CCDC85A: variants seen among roughly 807,000 people sequenced by gnomAD.
CCDC85A encodes the protein coiled-coil domain containing 85A.
Under a neutral mutation model 50.2 loss-of-function variants are expected in CCDC85A, and 38 were observed. The ratio of observed to expected loss-of-function variants is 0.76; its 90% CI spans 0.58 to 0.99. The LOEUF is 0.99. Among genes scored for constraint, CCDC85A ranks in the 50% least tolerant of loss-of-function variants. The probability of loss-of-function intolerance (pLI) is 0.00; values close to 1 mark genes in which losing one functional copy is unlikely to be tolerated. For missense variants in CCDC85A, 820 were observed against 742.0 expected (o/e 1.11, Z -1.22); for synonymous variants, 366 against 301.4 (o/e 1.21, Z -2.22).
At chr2:56,225,452 T>C (rs1036438653) in intron 2 of CCDC85A, among the ~76,000 whole-genome samples, 3 of 152,144 alleles carry the variant, frequency 2.0e-5, no homozygotes, top group Non-Finnish European at 2.9e-5. Context: ...ACCATAAATG[T>C]CGGGGTTTAT....
At chr2:56,285,056 G>A (rs1025832202) in intron 2 of CCDC85A, among the ~76,000 whole-genome samples, 9 of 151,238 alleles carry the variant, frequency 6.0e-5, no homozygotes, top group Non-Finnish European at 1.2e-4. Context: ...CAGTCTGGCA[G>A]TGTCTGCTTT....
In CCDC85A at chr2:56,192,911, G is replaced by T; in HGVS notation, c.711G>T (p.Leu237=). 1 of 1,610,084 alleles carries T rather than the reference G, an allele frequency of 6.2e-7. No individual in the cohort carries two copies. Among genetic ancestry groups the T allele is most frequent in the Non-Finnish European group, 8.5e-7 (1 of 1,178,634 alleles). ...CGAGCAGTGGCAGCCCGGAGCACCT[G>T]CAGAAGCCCCGGAGCGAGGGCAGCC... ...HHASSGSPEH[L]QKPRSEGSPE... The change falls in exon 2 of 6, where the codon CTG becomes CTT. Residue 237 remains leucine (L), a synonymous_variant. Transcript: ENST00000407595. The surrounding 1 kb of genome is among the most constrained non-coding windows in gnomAD (Gnocchi z 4.7).
At chr2:56,371,422 G>T (rs933409761) in intron 3 of CCDC85A, among the ~76,000 whole-genome samples, 5 of 152,010 alleles carry the variant, frequency 3.3e-5, no homozygotes, top group African/African-American at 1.2e-4. Flanking sequence ...AAAATTTTAT[G>T]TTCTTATTTT....
rs1668412359 is a variant in CCDC85A, at chr2:56,223,436, C to T, written c.1240+29996C>T. Among the ~76,000 whole-genome samples the T allele has an allele frequency of 1.3e-5, 2 of 152,110 alleles. 1 individual carries two copies. The highest frequency in any genetic ancestry group is 4.1e-4 in the South Asian group (2 of 4,830). On this transcript the variant is annotated intron_variant, in intron 2 of 5. Transcript: ENST00000407595. ...ACAGCCACCAGGTTGAATTTGGCCT[C>T]TATGGAGCATTGTTTGTCAACTATT...
chr2:56,372,550 G>A (rs1035563887), intron 4 of CCDC85A, 72 bp downstream of exon 4: 1 of 1,389,232 alleles, frequency 7.2e-7, no homozygotes, highest in Non-Finnish European at 9.5e-7. Context: ...TAGAGAAAAA[G>A]TTATACTGGG....
intron 2 of CCDC85A, among the ~76,000 whole-genome samples, chr2:56,323,332 T>C (rs546400795): frequency 6.6e-6 from 1 of 151,928 alleles, no homozygotes; most frequent in Non-Finnish European, 1.5e-5. Context: ...AGATATTGAA[T>C]AGCAAGACAG....
At chr2:56,359,999 G>A (rs1321875732) in intron 3 of CCDC85A, among the ~76,000 whole-genome samples, 1 of 152,140 alleles carries the variant, frequency 6.6e-6, no homozygotes, top group Non-Finnish European at 1.5e-5. Context: ...AGGAAAGTGA[G>A]AAGAATCCTC....
At chr2:56,330,332 G>A (rs1673721657) in intron 2 of CCDC85A, among the ~76,000 whole-genome samples, 1 of 152,334 alleles carries the variant, frequency 6.6e-6, no homozygotes, top group South Asian at 2.1e-4. Flanking sequence ...AAGAGTAAAA[G>A]TGAAGGCAAT....
intron 2 of CCDC85A, among the ~76,000 whole-genome samples, chr2:56,200,285 A>G (rs1342997484): frequency 6.6e-6 from 1 of 152,224 alleles, no homozygotes; most frequent in East Asian, 1.9e-4. Flanking sequence ...TGCCCTTGAT[A>G]GTACTTTAAT....
intron 2 of CCDC85A, among the ~76,000 whole-genome samples, chr2:56,269,227 G>A (rs1670591184): frequency 6.6e-6 from 1 of 152,026 alleles, no homozygotes; most frequent in South Asian, 2.1e-4. Flanking sequence ...CCTTACCTGG[G>A]ACACATAAAC....
chr2:56,309,674 A>G (rs1672602049), intron 2 of CCDC85A, among the ~76,000 whole-genome samples: 1 of 152,176 alleles, frequency 6.6e-6, no homozygotes, highest in South Asian at 2.1e-4. Flanking sequence ...AAACAGTTTT[A>G]GGAAGGTTTT....
At position 56,193,384 on chromosome 2, in the gene CCDC85A, G is replaced by T. The variant is rs1334615053; in HGVS notation, c.1184G>T (p.Arg395Leu). ...GGGSREGTLR[R>L]QAQEDGSPHH... is the part of the protein sequence containing the mutation. ...GGCAGCAGGGAGGGCACCCTCAGAC[G>T]GCAGGCACAGGAGGACGGGTCACCC... Residue 395 changes from arginine (R) to leucine (L), a missense_variant, in exon 2 of 6, where the codon CGG becomes CTG. Arg to Leu is a moderately radical substitution (Grantham distance 102). Coordinates refer to ENST00000407595, the MANE Select transcript of CCDC85A (RefSeq NM_001080433.2). 7 of 1,611,360 alleles carry T rather than the reference G, an allele frequency of 4.3e-6. No individual in the cohort carries two copies. Among genetic ancestry groups the T allele is most frequent in the Non-Finnish European group, 5.9e-6 (7 of 1,178,762 alleles).
At chr2:56,256,707 G>A (rs1051682871) in intron 2 of CCDC85A, among the ~76,000 whole-genome samples, 7 of 152,332 alleles carry the variant, frequency 4.6e-5, no homozygotes, top group African/African-American at 1.7e-4. Flanking sequence ...TGCCCAGGCA[G>A]ATAAATATAA....
intron 2 of CCDC85A, among the ~76,000 whole-genome samples, chr2:56,220,846 A>C (rs1172925683): frequency 1.3e-5 from 2 of 151,982 alleles, no homozygotes; most frequent in Non-Finnish European, 2.9e-5. Context: ...CAAGAATAGC[A>C]CGCAATAAAA....
At chr2:56,268,949 G>A (rs1309441743) in intron 2 of CCDC85A, among the ~76,000 whole-genome samples, 2 of 152,132 alleles carry the variant, frequency 1.3e-5, no homozygotes, top group Non-Finnish European at 2.9e-5. Flanking sequence ...TAGGATTGCT[G>A]TCAAATTTGG....
At chr2:56,221,919 G>T (rs189869714) in intron 2 of CCDC85A, among the ~76,000 whole-genome samples, 3 of 152,176 alleles carry the variant, frequency 2.0e-5, no homozygotes, top group Non-Finnish European at 4.4e-5. Context: ...TCTGGCAAGG[G>T]TCATTCCATG....
intron 2 of CCDC85A, among the ~76,000 whole-genome samples, chr2:56,222,499 C>T (rs910911840): frequency 1.1e-4 from 16 of 152,090 alleles, no homozygotes; most frequent in Admixed American, 3.3e-4. Flanking sequence ...CCCTGTTAGA[C>T]CCACTGGGCT....
At chr2:56,203,476 C>CT (rs901344490) in intron 2 of CCDC85A, among the ~76,000 whole-genome samples, 2 of 151,690 alleles carry the variant, frequency 1.3e-5, no homozygotes, top group Admixed American at 1.3e-4. Flanking sequence ...ATTTCTTTGG[C>CT]TTTTTTCCTG....
chr2:56,187,849 C>T (rs1239531196), intron 1 of CCDC85A, among the ~76,000 whole-genome samples: 1 of 152,230 alleles, frequency 6.6e-6, no homozygotes, highest in Non-Finnish European at 1.5e-5. Flanking sequence ...TATACCAACA[C>T]TTCAGGCTGC....
Sources: allele counts gnomAD v4.1 joint callset (sites outside exome capture counted in the v4.1 genomes callset), GRCh38; gene constraint gnomAD v4.1.1; non-coding constraint Gnocchi (gnomAD v3.1); transcripts MANE v1.5; gene names NCBI Gene and HGNC (gene_info 2026-07-23, HGNC 2026-07-21).